TLN2: variants seen among roughly 807,000 people sequenced by gnomAD.
The protein encoded by TLN2 is talin-2.
In TLN2, 118 loss-of-function variants were observed where a neutral mutation model predicts 294.7. The ratio of observed to expected loss-of-function variants is 0.40; its 90% CI spans 0.34 to 0.47. TLN2 has a LOEUF of 0.47. TLN2 is among the 20% of genes least tolerant of loss of function. The pLI, the probability that TLN2 is intolerant of heterozygous loss-of-function variation, is 0.84. For synonymous variants in TLN2, 1,431 were observed against 1,304.5 expected (o/e 1.10, Z -2.09); for missense variants, 3,083 against 3,282.2 (o/e 0.94, Z 1.48).
intron 57 of TLN2, among the ~76,000 whole-genome samples, chr15:62,837,697 C>A (rs1465299479): frequency 6.6e-6 from 1 of 152,190 alleles, no homozygotes; most frequent in African/African-American, 2.4e-5. Flanking sequence ...GTTTCTTAAC[C>A]TTGGTTTCAC....
At chr15:62,640,764 G>A (rs2050972767) in intron 3 of TLN2, among the ~76,000 whole-genome samples, 2 of 152,126 alleles carry the variant, frequency 1.3e-5, no homozygotes, top group Admixed American at 1.3e-4. Flanking sequence ...ACTGCGATAA[G>A]AATAAACACA....
At chr15:62,808,161 G>A (rs966784209) in intron 51 of TLN2, among the ~76,000 whole-genome samples, 2 of 152,236 alleles carry the variant, frequency 1.3e-5, no homozygotes, top group Middle Eastern at 3.4e-3. Flanking sequence ...AGTTCCTTAG[G>A]CAGAGAGAAA....
At chr15:62,391,796 C>T (rs559021052) in intron 1 of TLN2, among the ~76,000 whole-genome samples, 1 of 152,382 alleles carries the variant, frequency 6.6e-6, no homozygotes, top group East Asian at 1.9e-4. Context: ...CCGCCTTCCT[C>T]TGTCCCGCCT....
chr15:62,794,601 TC>T (rs1204214568), intron 46 of TLN2, among the ~76,000 whole-genome samples: 2 of 152,218 alleles, frequency 1.3e-5, no homozygotes, highest in African/African-American at 2.4e-5. Flanking sequence ...CCTGGATACC[TC>T]ATTTCCCGGC....
chr15:62,835,702 G>A (rs776873002), intron 55 of TLN2, 35 bp from the exon 56 acceptor site: 3 of 1,613,396 alleles, frequency 1.9e-6, no homozygotes, highest in Non-Finnish European at 1.7e-6. Context: ...GGGGCTGCCT[G>A]CCCTCATGGC....
At position 62,555,034 on chromosome 15, in the gene TLN2, G is replaced by C. The variant is rs114695958; in HGVS notation, c.-237-34653G>C. 1.2e-4 allele frequency among the ~76,000 whole-genome samples: 18 copies of C among 151,590 alleles called. 1 individual carries two copies. In the South Asian group the frequency reaches 3.3e-3, roughly 28 times the overall value. ...CCTTCTCACTGGTTAGGAATTAGGAGATTTCTTCCCTGTGATATTCTTAGT... is the reference window on the plus strand; with the variant it reads ...CCTTCTCACTGGTTAGGAATTAGGACATTTCTTCCCTGTGATATTCTTAGT... On this transcript the variant is annotated intron_variant, in intron 1 of 58. Transcript: ENST00000636159.
At chr15:62,764,583 A>C (rs929591398) in intron 40 of TLN2, among the ~76,000 whole-genome samples, 8 of 152,160 alleles carry the variant, frequency 5.3e-5, no homozygotes, top group Admixed American at 2.0e-4. Context: ...GTCCGTATGT[A>C]TATGCATGCA....
At chr15:62,626,949 C>A (rs1288322406) in intron 3 of TLN2, among the ~76,000 whole-genome samples, 1 of 152,150 alleles carries the variant, frequency 6.6e-6, no homozygotes, top group Non-Finnish European at 1.5e-5. Flanking sequence ...CAAGGTGTTT[C>A]CTCTTGGCAG....
chr15:62,452,995 A>G (rs2036246721), intron 1 of TLN2, among the ~76,000 whole-genome samples: 2 of 152,228 alleles, frequency 1.3e-5, no homozygotes, highest in African/African-American at 4.8e-5. Context: ...ATTAAATCTC[A>G]GATAAACAGT....
chr15:62,454,231 T>C (rs981148700), intron 1 of TLN2, among the ~76,000 whole-genome samples: 1 of 152,192 alleles, frequency 6.6e-6, no homozygotes, highest in Admixed American at 6.5e-5. Flanking sequence ...TTTCCACTGA[T>C]GTCAGTTTAT....
intron 1 of TLN2, chr15:62,561,411 A>T (rs967004783): frequency 6.6e-6 from 1 of 152,218 alleles, no homozygotes; most frequent in African/African-American, 2.4e-5. Flanking sequence ...CCTTCGCGAG[A>T]GGAGCTGAGG....
At chr15:62,826,606 TG>T (rs1312816646) in intron 54 of TLN2, among the ~76,000 whole-genome samples, 1 of 152,208 alleles carries the variant, frequency 6.6e-6, no homozygotes, top group East Asian at 1.9e-4. Context: ...GAGGAGAAGC[TG>T]ATCTAACCTT....
intron 11 of TLN2, among the ~76,000 whole-genome samples, chr15:62,684,566 C>T (rs748850532): frequency 1.3e-5 from 2 of 152,110 alleles, no homozygotes; most frequent in Non-Finnish European, 2.9e-5. Context: ...TGGTGTCCTC[C>T]GTGAGGAAGC....
intron 48 of TLN2, among the ~76,000 whole-genome samples, chr15:62,798,319 T>C (rs755206409): frequency 2.6e-5 from 4 of 152,080 alleles, no homozygotes; most frequent in Admixed American, 6.6e-5. Flanking sequence ...GCAATTTCAT[T>C]GAGATTACTT....
intron 1 of TLN2, among the ~76,000 whole-genome samples, chr15:62,449,491 G>A (rs753589705): frequency 4.6e-5 from 7 of 152,156 alleles, no homozygotes; most frequent in South Asian, 2.1e-4. Context: ...GACTGCTCTA[G>A]TGTTGAGAAT....
chr15:62,834,053 A>C (rs2069179135), intron 55 of TLN2: 1 of 154,412 alleles, frequency 6.5e-6, no homozygotes, highest in Admixed American at 6.5e-5. Flanking sequence ...AATACTGGCC[A>C]GCTTCGCAGT....
rs1171279460 is a variant in TLN2 at position 62,708,435 on chromosome 15, C to G, written c.2173-67C>G. ...AGCAGGAAGGGCTTTGATGGGACTG[C>G]GGGGGCACATGGAGAGGGACCAGGA... On this transcript the variant is annotated intron_variant, in intron 20 of 58. Transcript: ENST00000636159. 3 of 1,536,760 alleles carry G rather than the reference C, an allele frequency of 2.0e-6. No homozygotes were observed. The African/African-American group carries it at 4.1e-5, about 21-fold the overall frequency.
intron 13 of TLN2, 116 bp downstream of exon 13, chr15:62,693,057 T>C (rs2141068386): frequency 1.2e-6 from 1 of 833,266 alleles, no homozygotes; most frequent in Non-Finnish European, 1.9e-6. Context: ...AGGCCAGGCA[T>C]GGTGGCTCAC....
chr15:62,761,725 C>T lies in TLN2; in HGVS notation c.4683C>T (p.Arg1561=). 6.2e-7 allele frequency: 1 copy of T among 1,614,178 alleles called. No individual in the cohort carries two copies. Among genetic ancestry groups the T allele is most frequent in the Non-Finnish European group, 8.5e-7 (1 of 1,180,034 alleles). Residue 1561 remains arginine (R), a synonymous_variant, in exon 38 of 59, where the codon CGC becomes CGT. Coordinates refer to ENST00000636159, the MANE Select transcript of TLN2 (RefSeq NM_015059.3). ...CTGAAGACAACCGCAATAAGTGTCG[C>T]ATCGCCACCGCACCCTTGATTGAAG... ...DFSEDNRNKC[R]IATAPLIEAV... is the part of the protein sequence containing the mutation.
Sources: gnomAD v4.1 joint callset for allele counts (sites outside exome capture counted in the v4.1 genomes callset) on GRCh38, gnomAD v4.1.1 for gene constraint, MANE v1.5 for transcripts, NCBI Gene and HGNC (gene_info 2026-07-23, HGNC 2026-07-21) for gene names.